The following CEP350 variants were observed in gnomAD, a reference collection of about 807,000 sequenced individuals.
CEP350 encodes the protein centrosomal protein 350.
Under a neutral mutation model 331.8 loss-of-function variants are expected in CEP350, and 126 were observed. That is an observed-to-expected ratio of 0.38 (90% CI 0.33 to 0.44). The LOEUF (loss-of-function observed/expected upper bound fraction) is 0.44, where lower values mean the gene tolerates loss of function less well. CEP350 is among the 20% of genes least tolerant of loss of function. CEP350 has a pLI of 1.00. For synonymous variants in CEP350, 1,200 were observed against 1,259.5 expected (o/e 0.95, Z 1.00); for missense variants, 3,406 against 3,634.6 (o/e 0.94, Z 1.62).
At chr1:180,098,248 C>T (rs749087835) in intron 36 of CEP350, among the ~76,000 whole-genome samples, 2 of 152,108 alleles carry the variant, frequency 1.3e-5, no homozygotes, top group African/African-American at 4.8e-5. Flanking sequence ...GGATTACAGG[C>T]GTGAGCCACC....
At position 180,012,009 on chromosome 1, in the gene CEP350, A is replaced by G; in HGVS notation, c.1327A>G (p.Met443Val). The change falls in exon 9 of 38, where the codon ATG becomes GTG. Residue 443 changes from methionine (M) to valine (V), a missense_variant. Met to Val is a conservative substitution (Grantham distance 21). Transcript: ENST00000367607. ...GAAGATTCTGGGACCTGCTCCCAGA[A>G]TGGAGCCAAAAGAGCAAAGAACAGC... is the stretch of plus-strand genomic sequence containing the variant. Reference protein sequence around the residue: ...VKKILGPAPRMEPKEQRTASS... With the variant: ...VKKILGPAPRVEPKEQRTASS... 6 of 1,586,516 alleles carry G rather than the reference A, an allele frequency of 3.8e-6. 1 individual carries two copies.
At chr1:180,079,131 A>T (rs1456849791) in intron 29 of CEP350, among the ~76,000 whole-genome samples, 1 of 152,066 alleles carries the variant, frequency 6.6e-6, no homozygotes, top group African/African-American at 2.4e-5. Context: ...GATGATGGCC[A>T]TTATTAAACT....
chr1:180,109,021 C>G (rs1033386067), intron 37 of CEP350, among the ~76,000 whole-genome samples: 1 of 152,144 alleles, frequency 6.6e-6, no homozygotes, highest in Non-Finnish European at 1.5e-5. Flanking sequence ...CTTCCCCTCT[C>G]TTACTCTCTC....
At chr1:180,076,863 A>G (rs1168552184) in intron 28 of CEP350, among the ~76,000 whole-genome samples, 1 of 152,220 alleles carries the variant, frequency 6.6e-6, no homozygotes, top group East Asian at 1.9e-4. Context: ...AGCCATAGAA[A>G]GGAACTTTCT....
chr1:180,011,866 G>A (rs1160634143), intron 8 of CEP350, 63 bp from the exon 9 acceptor site: 1 of 1,068,776 alleles, frequency 9.4e-7, no homozygotes, highest in Non-Finnish European at 1.4e-6. Flanking sequence ...CTGTATGGTT[G>A]AGTAGATACA....
Position 180,078,630 on chromosome 1 carries a change from A to G in CEP350, c.5935A>G (p.Ile1979Val), listed in dbSNP as rs756143515. The change falls in exon 29 of 38, where the codon ATT becomes GTT. Residue 1979 changes from isoleucine to valine, a missense_variant. Ile to Val is a conservative substitution (Grantham distance 29, BLOSUM62 3). Around this residue, in one of 5 missense-constraint regions of CEP350, gnomAD observed 1,415 missense variants for 1,512.3 expected, o/e 0.94. Transcript: ENST00000367607. ...TCACAGTATACTTACTGAAGAAATG[A>G]TTTGTTCACAGGAACTAGAATCTTC... Reference protein sequence around the residue: ...PDHSILTEEMICSQELESSTS... With the variant: ...PDHSILTEEMVCSQELESSTS... 1 of 1,612,036 alleles carries G rather than the reference A, an allele frequency of 6.2e-7. No homozygotes were observed. The highest frequency in any genetic ancestry group is 8.5e-7 in the Non-Finnish European group (1 of 1,178,932).
At position 180,036,991 on chromosome 1, in the gene CEP350, GC is replaced by G; in HGVS notation, c.4014del (p.Ile1339LeufsTer11). 6.3e-7 allele frequency: 1 copy of G among 1,597,126 alleles called. No individual in the cohort carries two copies. Among genetic ancestry groups the G allele is most frequent in the Non-Finnish European group, 8.5e-7 (1 of 1,171,638 alleles). On this transcript the variant is annotated frameshift_variant, in exon 17 of 38. Transcript: ENST00000367607. LOFTEE classifies it high-confidence loss of function. The part of the protein sequence containing the change: ...RMAAELSYLN[A>X]IEESVRQLSD... ...GGCAGCAGAACTCAGTTATCTGAAC[GC>G]CATTGAGGAGTCGGTGCGCCAACTG...
chr1:180,056,941 G>GTA (rs1311495138), intron 25 of CEP350, among the ~76,000 whole-genome samples: 2 of 152,108 alleles, frequency 1.3e-5, no homozygotes, highest in Middle Eastern at 3.2e-3. Flanking sequence ...CTGTCTTTGA[G>GTA]TTCATTAGTA....
intron 6 of CEP350, 70 bp downstream of exon 6, chr1:179,997,245 A>G: frequency 6.7e-7 from 1 of 1,490,178 alleles, no homozygotes; most frequent in South Asian, 1.3e-5. Flanking sequence ...GGTGTATTTG[A>G]ATAGAGAGGA....
chr1:180,007,787 C>G (rs1035347823), intron 8 of CEP350, among the ~76,000 whole-genome samples: 3 of 149,502 alleles, frequency 2.0e-5, no homozygotes, highest in Non-Finnish European at 4.4e-5. Context: ...ATTACTGTTA[C>G]CAAAAGTTCT....
Position 180,114,005 on chromosome 1 carries a change from T to C in CEP350, c.*2844T>C, listed in dbSNP as rs1661568931. The C allele has an allele frequency of 6.6e-6, 1 of 152,620 alleles. No homozygotes were observed. Among genetic ancestry groups the C allele is most frequent in the African/African-American group, 2.4e-5 (1 of 41,462 alleles). The allele number at this position is 152,620 out of a possible 1,614,324, so 9.5% of individuals were successfully genotyped here. Reference sequence around the variant, plus strand: ...CAGGTCTACACAGGAATTTTTACCATAGGGAAAAGTGGGGAGAGCTCAAAC... The same window carrying C: ...CAGGTCTACACAGGAATTTTTACCACAGGGAAAAGTGGGGAGAGCTCAAAC... On this transcript the variant is annotated 3_prime_UTR_variant, in exon 38 of 38. Transcript: ENST00000367607.
chr1:179,991,347 C>T (rs1479944845), intron 4 of CEP350, among the ~76,000 whole-genome samples: 2 of 130,346 alleles, frequency 1.5e-5, no homozygotes, highest in South Asian at 2.5e-4. Flanking sequence ...GACAGAGTCT[C>T]ACTCTGTCGC....
At position 180,093,885 on chromosome 1, in the gene CEP350, G is replaced by A. The variant is rs751421330; in HGVS notation, c.7780G>A (p.Glu2594Lys). ...SDERYQCYNQ[E>K]QNDTEGPKDR... is the part of the protein sequence containing the mutation. The stretch of plus-strand genomic sequence containing the variant: ...TGAACGATATCAGTGCTATAATCAA[G>A]AGCAAAATGATACAGAGGGTCCAAA... The change falls in exon 34 of 38, where the codon GAG becomes AAG. Residue 2594 changes from glutamate (E) to lysine (K), a missense_variant. Physicochemically the swap from Glu to Lys is moderately conservative, Grantham distance 56. Transcript: ENST00000367607. 4.3e-6 allele frequency: 7 copies of A among 1,613,704 alleles called. No individual in the cohort carries two copies. The highest frequency in any genetic ancestry group is 4.0e-5 in the African/African-American group (3 of 74,914).
chr1:180,037,219 A>G, intron 17 of CEP350, 130 bp downstream of exon 17: 1 of 678,008 alleles, frequency 1.5e-6, no homozygotes, highest in Non-Finnish European at 2.2e-6. Flanking sequence ...CTATAAATAA[A>G]TAGTCCTGGG....
chr1:179,997,294 CACTT>C (rs1320594179), intron 6 of CEP350, 119 bp downstream of exon 6: 1 of 1,219,850 alleles, frequency 8.2e-7, no homozygotes, highest in Non-Finnish European at 1.1e-6. Context: ...ACTGCATAAG[CACTT>C]AGGGAGGCCG....
chr1:180,092,375 T>C (rs1022929249), intron 33 of CEP350, among the ~76,000 whole-genome samples: 10 of 152,238 alleles, frequency 6.6e-5, no homozygotes, highest in African/African-American at 2.4e-4. Flanking sequence ...TTCTTCACTT[T>C]ATAAGTTAAG....
chr1:180,073,213 A>G (rs1430182085), intron 27 of CEP350, among the ~76,000 whole-genome samples: 1 of 152,214 alleles, frequency 6.6e-6, no homozygotes, highest in Non-Finnish European at 1.5e-5. Flanking sequence ...ATAAAGCAAG[A>G]TACCTCCAGT....
chr1:180,033,529 A>G (rs1012020973), intron 15 of CEP350, among the ~76,000 whole-genome samples: 2 of 152,150 alleles, frequency 1.3e-5, no homozygotes, highest in African/African-American at 4.8e-5. Flanking sequence ...TGTCTATTTT[A>G]GAAGACTTTG....
At chr1:179,963,957 A>G (rs901311702) in intron 1 of CEP350, among the ~76,000 whole-genome samples, 1 of 152,146 alleles carries the variant, frequency 6.6e-6, no homozygotes. Context: ...TGAGCATGGA[A>G]TGTTTTTCCA....
Sources: gnomAD v4.1 joint callset for allele counts (sites outside exome capture counted in the v4.1 genomes callset) on GRCh38, gnomAD v4.1.1 for gene constraint, gnomAD v4.1.1 regional missense constraint, MANE v1.5 for transcripts, NCBI Gene and HGNC (gene_info 2026-07-23, HGNC 2026-07-21) for gene names.